ODR4: variants seen among roughly 807,000 people sequenced by gnomAD.
ODR4 encodes protein odr-4 homolog.
In ODR4, 47 loss-of-function variants were observed where a neutral mutation model predicts 60.2. The ratio of observed to expected loss-of-function variants is 0.78; its 90% CI spans 0.62 to 1.00. The LOEUF is 1.00. ODR4 is among the 50% of genes least tolerant of loss of function. ODR4 has a pLI of 0.00. For missense variants in ODR4, 488 were observed against 530.8 expected (o/e 0.92, Z 0.79); for synonymous variants, 178 against 175.5 (o/e 1.01, Z -0.11).
chr1:186,404,249 C>T (rs897039301), intron 11 of ODR4, among the ~76,000 whole-genome samples: 2 of 152,038 alleles, frequency 1.3e-5, no homozygotes. Flanking sequence ...TGTGTCTTTT[C>T]CAAAAGATTT....
chr1:186,381,471 G>GCGCC (rs1388085840), intron 2 of ODR4, among the ~76,000 whole-genome samples: 1 of 152,114 alleles, frequency 6.6e-6, no homozygotes, highest in Non-Finnish European at 1.5e-5. Context: ...GGGACTACAG[G>GCGCC]CGCCCGCCAC....
At chr1:186,409,297 C>T (rs1457990130) in intron 12 of ODR4, among the ~76,000 whole-genome samples, 1 of 152,080 alleles carries the variant, frequency 6.6e-6, no homozygotes, top group Non-Finnish European at 1.5e-5. Context: ...AACTAAAACC[C>T]AATAAATTCA....
In ODR4 at chr1:186,407,827, G is replaced by A. The variant is rs879399603; in HGVS notation, c.1186+1559G>A. Among the ~76,000 whole-genome samples, 63 of 151,980 alleles carry A rather than the reference G, an allele frequency of 4.1e-4. 1 individual carries two copies. Among genetic ancestry groups the A allele is most frequent in the Non-Finnish European group, 3.4e-4 (23 of 67,966 alleles). ...CCTTGTTTGCTTTCCGGTAGATTAG[G>A]AATTTTTAACCTGTGGGGTTCAAAA... On this transcript the variant is annotated intron_variant, in intron 12 of 13. Transcript: ENST00000287859.
intron 11 of ODR4, chr1:186,400,888 C>A: frequency 1.6e-6 from 1 of 620,722 alleles, no homozygotes. Flanking sequence ...GGGACCTGTT[C>A]ACATAGTCCA....
At chr1:186,426,462 G>A in the ODR4 span, among the ~76,000 whole-genome samples, 1 of 152,192 alleles carries the variant, frequency 6.6e-6, no homozygotes, top group Non-Finnish European at 1.5e-5. Context: ...TTTCCAAAGA[G>A]TTTGGCTTCC....
intron 11 of ODR4, among the ~76,000 whole-genome samples, chr1:186,405,522 C>T (rs542575791): frequency 6.6e-6 from 1 of 152,256 alleles, no homozygotes; most frequent in Non-Finnish European, 1.5e-5. Flanking sequence ...TAATCAACAG[C>T]TTTACATTGA....
At chr1:186,380,026 T>C in intron 2 of ODR4, 142 bp downstream of exon 2, 1 of 537,986 alleles carries the variant, frequency 1.9e-6, no homozygotes, top group Non-Finnish European at 3.0e-6. Flanking sequence ...GTGGAAGAAG[T>C]AACTTTAAAG....
intron 2 of ODR4, among the ~76,000 whole-genome samples, chr1:186,382,557 T>C (rs1660081135): frequency 2.0e-5 from 3 of 152,232 alleles, no homozygotes; most frequent in Admixed American, 1.3e-4. Context: ...GAAATGTATG[T>C]GGAAGTTCCC....
intron 2 of ODR4, 126 bp from the exon 3 acceptor site, chr1:186,382,896 G>A: frequency 1.0e-6 from 1 of 971,918 alleles, no homozygotes; most frequent in South Asian, 1.9e-5. Context: ...GGGTATTAAT[G>A]ATTTAACCTG....
chr1:186,383,255 G>C (rs1245943733), intron 3 of ODR4, 99 bp downstream of exon 3: 2 of 1,290,954 alleles, frequency 1.5e-6, no homozygotes, highest in African/African-American at 3.0e-5. Flanking sequence ...GACATAGGGA[G>C]AAAGTAGCTA....
the ODR4 span, among the ~76,000 whole-genome samples, chr1:186,426,855 A>T: frequency 2.0e-5 from 3 of 151,542 alleles, no homozygotes; most frequent in South Asian, 2.1e-4. Context: ...TCAAGTCACA[A>T]TTTTTTTTTG....
intron 7 of ODR4, among the ~76,000 whole-genome samples, chr1:186,391,115 C>T (rs960825317): frequency 5.9e-5 from 9 of 152,010 alleles, no homozygotes; most frequent in Admixed American, 5.9e-4. Flanking sequence ...TTATTATGTG[C>T]TGATTAAGTA....
intron 12 of ODR4, among the ~76,000 whole-genome samples, chr1:186,411,299 G>C (rs1048664146): frequency 6.6e-6 from 1 of 152,050 alleles, no homozygotes; most frequent in Non-Finnish European, 1.5e-5. Flanking sequence ...TACTCAACCT[G>C]TACTACTTCT....
intron 1 of ODR4, among the ~76,000 whole-genome samples, chr1:186,377,734 C>T (rs1442047404): frequency 2.0e-5 from 3 of 152,078 alleles, no homozygotes; most frequent in South Asian, 2.1e-4. Context: ...ATCTGATTCA[C>T]GTCTATTGTT....
intron 2 of ODR4, among the ~76,000 whole-genome samples, chr1:186,381,772 G>C (rs919246642): frequency 1.3e-5 from 2 of 151,926 alleles, no homozygotes; most frequent in Non-Finnish European, 2.9e-5. Context: ...CTGTTTCCTG[G>C]TCTCTGTCAG....
chr1:186,379,168 G>A (rs996826915), intron 1 of ODR4, among the ~76,000 whole-genome samples: 2 of 151,712 alleles, frequency 1.3e-5, no homozygotes, highest in African/African-American at 4.8e-5. Flanking sequence ...TGTTGGCTGG[G>A]CATGGTGGCT....
Position 186,387,110 on chromosome 1 carries a change from T to C in ODR4, c.330+1027T>C, listed in dbSNP as rs141477600. ...CAACAGTATCCCAGAAAAACATTTT[T>C]TAGGTAAAAAATATACAGCTGAGAA... On this transcript the variant is annotated intron_variant, in intron 4 of 13. Coordinates refer to ENST00000287859, the MANE Select transcript of ODR4 (RefSeq NM_017847.6). Among the ~76,000 whole-genome samples the C allele has an allele frequency of 3.9e-5, 6 of 152,244 alleles. No homozygotes were observed. The East Asian group carries it at 1.2e-3, about 29-fold the overall frequency.
intron 11 of ODR4, 37 bp from the exon 12 acceptor site, chr1:186,406,045 AC>A (rs778389060): frequency 7.2e-7 from 1 of 1,392,452 alleles, no homozygotes; most frequent in South Asian, 1.6e-5. Flanking sequence ...CCAGTGACAA[AC>A]CTATCTAAAT....
chr1:186,429,162 G>A, the ODR4 span, among the ~76,000 whole-genome samples: 2 of 152,030 alleles, frequency 1.3e-5, no homozygotes, highest in Non-Finnish European at 2.9e-5. Flanking sequence ...GAGGTGGGAA[G>A]ACCACCTAAG....
Sources: gnomAD v4.1 joint callset for allele counts (sites outside exome capture counted in the v4.1 genomes callset) on GRCh38, gnomAD v4.1.1 for gene constraint, MANE v1.5 for transcripts, NCBI Gene and HGNC (gene_info 2026-07-23, HGNC 2026-07-21) for gene names.